CKAP5: variants seen among roughly 807,000 people sequenced by gnomAD.
The protein encoded by CKAP5 is cytoskeleton-associated protein 5.
Under a neutral mutation model 232.8 loss-of-function variants are expected in CKAP5, and 27 were observed. The ratio of observed to expected loss-of-function variants is 0.12; its 90% CI spans 0.09 to 0.16. The LOEUF is 0.16. Ranked by LOEUF, CKAP5 falls within the 10% of genes least tolerant of loss-of-function variation. The pLI, the probability that CKAP5 is intolerant of heterozygous loss-of-function variation, is 1.00. For missense variants in CKAP5, 1,838 were observed against 2,424.7 expected, an observed-to-expected ratio of 0.76 and a Z score of 5.08; for synonymous variants, 785 against 841.1, an observed-to-expected ratio of 0.93 and a Z score of 1.16.
intron 1 of CKAP5, among the ~76,000 whole-genome samples, chr11:46,843,421 G>A (rs772440037): frequency 1.3e-5 from 2 of 151,664 alleles, no homozygotes; most frequent in African/African-American, 2.4e-5. Context: ...GTGAAGCCCC[G>A]AACAGGGCTA....
chr11:46,828,457 A>G (rs547412009), intron 1 of CKAP5, among the ~76,000 whole-genome samples: 2 of 152,350 alleles, frequency 1.3e-5, no homozygotes, highest in South Asian at 4.1e-4. Context: ...TTTGCAGATC[A>G]GCCTTTCTCA....
Position 46,751,341 on chromosome 11 carries a change from C to A in CKAP5, c.5322+5G>T. The A allele has an allele frequency of 6.2e-7, 1 of 1,613,824 alleles. No homozygotes were observed. The highest frequency in any genetic ancestry group is 8.5e-7 in the Non-Finnish European group (1 of 1,179,790). On this transcript the variant is annotated splice_donor_5th_base_variant and intron_variant, in intron 39 of 43. Coordinates refer to ENST00000529230, the MANE Select transcript of CKAP5 (RefSeq NM_001008938.4). ...CCTCAGAGACCAGTTGCGATTCTTA[C>A]TCACCTTGGGCCCTTTTAATTTGCA...
chr11:46,757,170 T>TC (rs2065116398), intron 35 of CKAP5, among the ~76,000 whole-genome samples: 2 of 152,086 alleles, frequency 1.3e-5, no homozygotes, highest in African/African-American at 2.4e-5. Context: ...TGTGGAACTG[T>TC]CACTGGATCC....
intron 32 of CKAP5, among the ~76,000 whole-genome samples, chr11:46,761,134 T>C (rs1269385976): frequency 2.0e-5 from 3 of 151,482 alleles, no homozygotes; most frequent in Admixed American, 6.6e-5. Context: ...CTGTAGTCCT[T>C]GCTACTCAGG....
chr11:46,822,726 C>T (rs1247848185), intron 1 of CKAP5, among the ~76,000 whole-genome samples: 1 of 109,184 alleles, frequency 9.2e-6, no homozygotes, highest in Non-Finnish European at 1.7e-5. Context: ...CCAGCCTGGG[C>T]AACAGACTCC....
intron 14 of CKAP5, 42 bp downstream of exon 14, chr11:46,790,428 T>G: frequency 5.0e-6 from 7 of 1,386,592 alleles, no homozygotes; most frequent in Non-Finnish European, 6.1e-6. Flanking sequence ...GGTCTCACTT[T>G]GCAGGGTTCA....
chr11:46,825,753 TA>T lies in CKAP5; in HGVS notation c.-37-4486del, dbSNP rs201623764. Among the ~76,000 whole-genome samples, 1,301 of 132,522 alleles carry T rather than the reference TA, an allele frequency of 9.8e-3. 12 individuals carry two copies. Among genetic ancestry groups the T allele is most frequent in the African/African-American group, 0.028 (994 of 36,134 alleles). The allele number at this position is 132,522 out of a possible 152,430, so 86.9% of individuals were successfully genotyped here. A position where few individuals can be genotyped will look rare whatever the true frequency, so the allele number is the denominator to read the frequency against. ...ACCACTGAGTGTGATGATAGGCTCA[TA>T]AAAAAAAAAAAAGAAATTATTTTTT... On this transcript the variant is annotated intron_variant, in intron 1 of 43. Transcript: ENST00000529230.
At chr11:46,805,069 AT>A (rs1939123852) in intron 8 of CKAP5, among the ~76,000 whole-genome samples, 1 of 150,992 alleles carries the variant, frequency 6.6e-6, no homozygotes, top group Non-Finnish European at 1.5e-5. Context: ...TCTACTAAAA[AT>A]TAAAAAAAAA....
rs781427461 is a variant in CKAP5, at chr11:46,763,162, T to C, written c.3705A>G (p.Lys1235=). 75 of 1,612,310 alleles carry C rather than the reference T, an allele frequency of 4.7e-5. No individual in the cohort carries two copies. Among genetic ancestry groups the C allele is most frequent in the Non-Finnish European group, 6.0e-5 (71 of 1,178,906 alleles). The change falls in exon 30 of 44, where the codon AAA becomes AAG. Residue 1235 remains lysine (K), a synonymous_variant. Coordinates refer to ENST00000529230, the MANE Select transcript of CKAP5 (RefSeq NM_001008938.4). The part of the protein sequence containing the change: ...AVMVDHLESE[K]EGVIGCLDLI... ...GATCCAGGCAACCAATAACTCCTTC[T>C]TTTTCACTCTCCAAGTGCTTAAAAT... is the stretch of plus-strand genomic sequence containing the variant.
intron 25 of CKAP5, 32 bp from the exon 26 acceptor site, chr11:46,770,130 G>T: frequency 6.2e-7 from 1 of 1,606,030 alleles, no homozygotes; most frequent in Non-Finnish European, 8.5e-7. Context: ...AAAAGTGAGA[G>T]GTCACATAAA....
intron 1 of CKAP5, among the ~76,000 whole-genome samples, chr11:46,840,419 T>A (rs1278594671): frequency 6.6e-6 from 1 of 152,180 alleles, no homozygotes; most frequent in Non-Finnish European, 1.5e-5. Flanking sequence ...GTTCAATGAA[T>A]GAATAAGACC....
intron 1 of CKAP5, among the ~76,000 whole-genome samples, chr11:46,831,861 CT>C (rs71042624): frequency 3.3e-4 from 39 of 119,028 alleles, no homozygotes; most frequent in East Asian, 1.2e-3. Flanking sequence ...TAAACTTATC[CT>C]TTTTTTTTTT....
At chr11:46,828,315 A>G (rs1939700792) in intron 1 of CKAP5, among the ~76,000 whole-genome samples, 1 of 152,210 alleles carries the variant, frequency 6.6e-6, no homozygotes, top group African/African-American at 2.4e-5. Context: ...AGATTAAAAC[A>G]GTCTGATTTT....
intron 9 of CKAP5, 140 bp from the exon 10 acceptor site, chr11:46,798,312 T>C (rs1938940138): frequency 3.0e-6 from 2 of 663,386 alleles, no homozygotes; most frequent in Admixed American, 2.8e-5. Context: ...CAGTGACTCA[T>C]GCCTGTAATC....
At chr11:46,764,226 AG>A (rs2065182059) in intron 28 of CKAP5, among the ~76,000 whole-genome samples, 1 of 152,220 alleles carries the variant, frequency 6.6e-6, no homozygotes, top group African/African-American at 2.4e-5. Flanking sequence ...TTTGATAGAG[AG>A]AAAATTTGAA....
chr11:46,747,973 C>T (rs1448937442), intron 42 of CKAP5, among the ~76,000 whole-genome samples: 3 of 151,660 alleles, frequency 2.0e-5, no homozygotes, highest in Admixed American at 2.0e-4. Context: ...GGCAGGAGGA[C>T]TGCTTGAACC....
At chr11:46,821,795 T>C (rs143979107) in intron 1 of CKAP5, among the ~76,000 whole-genome samples, 45 of 151,922 alleles carry the variant, frequency 3.0e-4, no homozygotes, top group African/African-American at 1.1e-3. Context: ...TCTCAGCACT[T>C]TGGGAGGCTG....
In CKAP5 at chr11:46,801,206, T is replaced by C. The variant is rs750558429; in HGVS notation, c.1077A>G (p.Ala359=). Residue 359 remains alanine, a synonymous_variant, in exon 9 of 44, where the codon GCA becomes GCG. Coordinates refer to ENST00000529230, the MANE Select transcript of CKAP5 (RefSeq NM_001008938.4). ...VGLRKKFGQY[A]GHVVPTILEK... Reference sequence around the variant, plus strand: ...AAAAAGGAGTGTTACTTACATGTCCTGCATATTGTCCAAATTTCTTCCTTA... The same window carrying C: ...AAAAAGGAGTGTTACTTACATGTCCCGCATATTGTCCAAATTTCTTCCTTA... 1.2e-6 allele frequency: 2 copies of C among 1,610,726 alleles called. No homozygotes were observed.
chr11:46,818,540 T>A, intron 2 of CKAP5, 37 bp from the exon 3 acceptor site: 3 of 1,402,806 alleles, frequency 2.1e-6, no homozygotes, highest in Non-Finnish European at 2.9e-6. Context: ...AAAACATAAT[T>A]TAATGATATT....
Sources: allele counts gnomAD v4.1 joint callset (sites outside exome capture counted in the v4.1 genomes callset), GRCh38; gene constraint gnomAD v4.1.1; transcripts MANE v1.5; gene names NCBI Gene and HGNC (gene_info 2026-07-23, HGNC 2026-07-21).